Variants in MACROD1 observed in about 807,000 individuals in gnomAD.
MACROD1 encodes ADP-ribose glycohydrolase MACROD1.
MACROD1 carries 31 observed loss-of-function variants against 41.4 expected under a neutral mutation model. The ratio of observed to expected loss-of-function variants is 0.75; its 90% confidence interval spans 0.56 to 1.01. The LOEUF (loss-of-function observed/expected upper bound fraction) is 1.01. Among genes scored for constraint, MACROD1 ranks in the 50% least tolerant of loss-of-function variants. The probability of loss-of-function intolerance (pLI) is 0.00; values close to 1 mark genes in which losing one functional copy is unlikely to be tolerated. For missense variants in MACROD1, 473 were observed against 460.0 expected (o/e 1.03, Z -0.26); for synonymous variants, 252 against 203.4 (o/e 1.24, Z -2.03).
chr11:64,087,046 C>T (rs1488984560), intron 3 of MACROD1: 1 of 152,238 alleles, frequency 6.6e-6, no homozygotes, highest in African/African-American at 2.4e-5. Context: ...CAGTGACCGA[C>T]ACCCCCTGGA....
chr11:64,013,167 T>G (rs923357900), intron 4 of MACROD1, among the ~76,000 whole-genome samples: 1 of 152,190 alleles, frequency 6.6e-6, no homozygotes, highest in Non-Finnish European at 1.5e-5. Flanking sequence ...GATACAGTCT[T>G]TCATTTTCAG....
intron 3 of MACROD1, among the ~76,000 whole-genome samples, chr11:64,021,933 C>T (rs7127558): frequency 1.8e-4 from 1 of 5,488 alleles, no homozygotes; most frequent in African/African-American, 4.3e-4. Context: ...GGCAGGGGGC[C>T]GGGGGGGGGG....
intron 4 of MACROD1, among the ~76,000 whole-genome samples, chr11:64,000,702 G>A (rs1942810313): frequency 3.6e-5 from 1 of 27,816 alleles, no homozygotes; most frequent in Admixed American, 3.0e-4. Flanking sequence ...CGGGGTGACG[G>A]GGAAGCTTCC....
chr11:64,035,669 TCCC>T (rs1943360447), intron 3 of MACROD1, among the ~76,000 whole-genome samples: 1 of 39,684 alleles, frequency 2.5e-5, no homozygotes, highest in African/African-American at 1.0e-4. Flanking sequence ...CGGCGCAGCC[TCCC>T]GCGCCGGGTC....
chr11:64,074,405 C>A (rs890223723), intron 3 of MACROD1, among the ~76,000 whole-genome samples: 2 of 152,186 alleles, frequency 1.3e-5, no homozygotes, highest in African/African-American at 4.8e-5. Flanking sequence ...CTGTGCTGAG[C>A]TCCAGGGGTG....
rs1025190722 is a variant in MACROD1, at chr11:64,081,833, A to G, written c.518-66552T>C. 1.2e-4 allele frequency: 18 copies of G among 151,856 alleles called. 1 individual carries two copies. The highest frequency in any genetic ancestry group is 1.5e-5 in the Non-Finnish European group (1 of 67,986). The allele number at this position is 151,856 out of a possible 1,614,324, so 9.4% of individuals were successfully genotyped here. A position where few individuals can be genotyped will look rare whatever the true frequency, so the allele number is the denominator to read the frequency against. On this transcript the variant is annotated intron_variant, in intron 3 of 10. Transcript: ENST00000255681. Reference sequence around the variant, plus strand: ...GAGAGGTCCGGGTCCGTTCTCCCCAATTCACAGACATGAAGACTGAGGCCG... The same window carrying G: ...GAGAGGTCCGGGTCCGTTCTCCCCAGTTCACAGACATGAAGACTGAGGCCG...
intron 4 of MACROD1, among the ~76,000 whole-genome samples, chr11:64,012,690 C>T (rs1443170846): frequency 1.3e-5 from 2 of 152,204 alleles, no homozygotes; most frequent in Non-Finnish European, 2.9e-5. Context: ...TGAGCCACCG[C>T]TCCTGGCCTT....
rs531976822 is a variant in MACROD1, at chr11:64,027,408, G to A, written c.518-12127C>T. On this transcript the variant is annotated intron_variant, in intron 3 of 10. Transcript: ENST00000255681. ...GGATGGTGGTGGCTGAGGATGGGTTGAGGGAGGGCTGGGAGAGGCGGCATG... is the reference window on the plus strand; with the variant it reads ...GGATGGTGGTGGCTGAGGATGGGTTAAGGGAGGGCTGGGAGAGGCGGCATG... Among the ~76,000 whole-genome samples, 187 of 152,318 alleles carry A rather than the reference G, an allele frequency of 1.2e-3. 1 individual carries two copies. The highest frequency in any genetic ancestry group is 4.4e-3 in the African/African-American group (183 of 41,552).
At chr11:63,999,618 C>T (rs765793438) in intron 6 of MACROD1, 24 bp downstream of exon 6, 1 of 1,609,422 alleles carries the variant, frequency 6.2e-7, no homozygotes, top group Admixed American at 1.7e-5. Context: ...CGCCTCCCGC[C>T]CTCCCCCGCG....
chr11:64,066,602 C>T (rs1408456105), intron 3 of MACROD1, among the ~76,000 whole-genome samples: 9 of 150,402 alleles, frequency 6.0e-5, no homozygotes, highest in Non-Finnish European at 4.4e-5. Flanking sequence ...TGCATTCCAG[C>T]CTCCAGCCTG....
rs367830878 is a variant in MACROD1, at chr11:64,153,208, G to A, written c.299-815C>T. On this transcript the variant is annotated intron_variant, in intron 1 of 10. Coordinates refer to ENST00000255681, the MANE Select transcript of MACROD1 (RefSeq NM_014067.4). ...AACCCGTCTCAGAAGGGCCCGCCCC[G>A]ACCGCGCCAGGCCAGGCTAGCAGCT... Among the ~76,000 whole-genome samples the A allele has an allele frequency of 5.6e-3, 857 of 152,198 alleles. 88 individuals are homozygous for A. In the South Asian group the frequency reaches 0.16, roughly 29 times the overall value.
intron 3 of MACROD1, among the ~76,000 whole-genome samples, chr11:64,031,969 T>C (rs1167020531): frequency 1.3e-5 from 2 of 152,246 alleles, no homozygotes; most frequent in Middle Eastern, 3.2e-3. Context: ...TGGGGAAGGC[T>C]GAGGCCAGGG....
chr11:63,998,775 CG>C, intron 10 of MACROD1, 62 bp downstream of exon 10: 14 of 1,442,050 alleles, frequency 9.7e-6, no homozygotes, highest in Non-Finnish European at 1.1e-5. Context: ...TGGGGGTGAG[CG>C]GGGGTTAGTG....
intron 3 of MACROD1, among the ~76,000 whole-genome samples, chr11:64,056,499 C>T (rs1010023575): frequency 7.2e-5 from 11 of 152,196 alleles, no homozygotes; most frequent in African/African-American, 2.2e-4. Context: ...AGAAGACAGA[C>T]GGACGGAGAG....
intron 3 of MACROD1, among the ~76,000 whole-genome samples, chr11:64,114,003 G>A (rs1470767335): frequency 7.6e-5 from 11 of 145,236 alleles, no homozygotes; most frequent in African/African-American, 2.8e-4. Flanking sequence ...TGAATGGACA[G>A]GTGGATGCAT....
chr11:64,120,221 G>T lies in MACROD1; in HGVS notation c.517+31018C>A, dbSNP rs556034191. Among the ~76,000 whole-genome samples the T allele has an allele frequency of 3.3e-5, 5 of 152,322 alleles. No individual in the cohort carries two copies. The highest frequency in any genetic ancestry group is 1.3e-4 in the Admixed American group (2 of 15,306). On this transcript the variant is annotated intron_variant, in intron 3 of 10. Coordinates refer to ENST00000255681, the MANE Select transcript of MACROD1 (RefSeq NM_014067.4). The surrounding 1 kb of genome is among the most constrained non-coding windows in gnomAD (Gnocchi z 4.5). ...GGCACAGGCTCCCAGCACGGCCTGG[G>T]GGGGCTAGCCCACGAAATAGGTCCA...
At chr11:64,116,141 G>A (rs1271606258) in intron 3 of MACROD1, 22 of 1,388,346 alleles carry the variant, frequency 1.6e-5, no homozygotes, top group African/African-American at 5.7e-5. Context: ...GCTGGCAGGT[G>A]GGAGGGAATG....
At chr11:64,023,586 A>C (rs749593868) in intron 3 of MACROD1, among the ~76,000 whole-genome samples, 1 of 152,044 alleles carries the variant, frequency 6.6e-6, no homozygotes, top group Non-Finnish European at 1.5e-5. Flanking sequence ...TAAGCCCCTC[A>C]CCACGTCTTC....
intron 3 of MACROD1, among the ~76,000 whole-genome samples, chr11:64,050,064 A>C (rs1167499737): frequency 6.6e-6 from 1 of 151,798 alleles, no homozygotes; most frequent in Non-Finnish European, 1.5e-5. Context: ...GTGATGGCCT[A>C]CTCTTCCCTC....
Sources: gnomAD v4.1 joint callset for allele counts (sites outside exome capture counted in the v4.1 genomes callset) on GRCh38, gnomAD v4.1.1 for gene constraint, Gnocchi (gnomAD v3.1) non-coding constraint, MANE v1.5 for transcripts, NCBI Gene and HGNC (gene_info 2026-07-23, HGNC 2026-07-21) for gene names.